ZNF431: variants seen among roughly 807,000 people sequenced by gnomAD.
The protein encoded by ZNF431 is zinc finger protein 431.
In ZNF431, 34 loss-of-function variants were observed where a neutral mutation model predicts 57.0. The observed-to-expected ratio is 0.60, with a 90% CI of 0.45 to 0.79. ZNF431 has a LOEUF of 0.79. Ranked by LOEUF, ZNF431 falls within the 30% of genes least tolerant of loss-of-function variation. The probability of loss-of-function intolerance (pLI) is 0.00; values close to 1 mark genes in which losing one functional copy is unlikely to be tolerated. For synonymous variants in ZNF431, 207 were observed against 220.3 expected (o/e 0.94, Z 0.54); for missense variants, 607 against 667.1 (o/e 0.91, Z 0.99).
rs1971457198 is a variant in ZNF431, at chr19:21,189,380, G to T, written c.*5346G>T. On this transcript the variant is annotated 3_prime_UTR_variant, in exon 5 of 5. Transcript: ENST00000311048. ...ATGCCTGTAATCCAGCTACCCTGGA[G>T]GCTAAGGCAGGAAAATGGCTCAAAT... is the stretch of plus-strand genomic sequence containing the variant. 1 of 152,158 alleles carries T rather than the reference G, an allele frequency of 6.6e-6. No individual in the cohort carries two copies. The highest frequency in any genetic ancestry group is 2.1e-4 in the South Asian group (1 of 4,836). The allele number at this position is 152,158 out of a possible 1,614,324, so 9.4% of individuals were successfully genotyped here.
chr19:21,178,546 A>G (rs147745508), intron 4 of ZNF431, among the ~76,000 whole-genome samples: 104 of 152,252 alleles, frequency 6.8e-4, no homozygotes, highest in Non-Finnish European at 9.3e-4. Flanking sequence ...CCTTTTCCGC[A>G]TTTTTGAGAT....
chr19:21,184,261 A>G lies in ZNF431; in HGVS notation c.*227A>G. 2 of 376,256 alleles carry G rather than the reference A, an allele frequency of 5.3e-6. No individual in the cohort carries two copies. The highest frequency in any genetic ancestry group is 9.1e-5 in the East Asian group (2 of 22,056). 23.3% of individuals were successfully genotyped at this position (376,256 alleles called of 1,614,324 possible). A position where few individuals can be genotyped will look rare whatever the true frequency, so the allele number is the denominator to read the frequency against. ...TCTACTCGGGAGGCTTAGGCAGGAT[A>G]ATCACTTGAACCTGGGAGGTGGAAG... On this transcript the variant is annotated 3_prime_UTR_variant, in exon 5 of 5. Transcript: ENST00000311048.
chr19:21,149,634 T>A (rs1261506437), intron 2 of ZNF431: 2 of 374,494 alleles, frequency 5.3e-6, no homozygotes, highest in Non-Finnish European at 1.0e-5. Flanking sequence ...TATAGAAAAC[T>A]CAACAGTGTA....
rs1241464714 is a variant in ZNF431, at chr19:21,192,815, C to T, written c.*8781C>T. Reference sequence around the variant, plus strand: ...ATCATAAGGGAATGTCAAATTCTGTCAAACTTCTATTGTGCATCCATTTTT... The same window carrying T: ...ATCATAAGGGAATGTCAAATTCTGTTAAACTTCTATTGTGCATCCATTTTT... On this transcript the variant is annotated 3_prime_UTR_variant, in exon 5 of 5. Transcript: ENST00000311048. 6.6e-6 allele frequency: 1 copy of T among 152,124 alleles called. No homozygotes were observed. Among genetic ancestry groups the T allele is most frequent in the Non-Finnish European group, 1.5e-5 (1 of 68,032 alleles). 9.4% of individuals were successfully genotyped at this position (152,124 alleles called of 1,614,324 possible).
intron 4 of ZNF431, among the ~76,000 whole-genome samples, chr19:21,171,566 CA>C (rs1281631578): frequency 1.3e-4 from 19 of 151,500 alleles, no homozygotes; most frequent in African/African-American, 4.1e-4. Context: ...AATATGACCC[CA>C]ATATTGGTTA....
chr19:21,159,413 G>T (rs1970511709), intron 2 of ZNF431, among the ~76,000 whole-genome samples: 1 of 151,902 alleles, frequency 6.6e-6, no homozygotes, highest in Admixed American at 6.6e-5. Context: ...TCACTCTGTT[G>T]CCAGGCTGGA....
At chr19:21,175,878 A>G (rs1050074685) in intron 4 of ZNF431, among the ~76,000 whole-genome samples, 3 of 152,230 alleles carry the variant, frequency 2.0e-5, no homozygotes, top group African/African-American at 4.8e-5. Context: ...TGTTGCTGCA[A>G]TGAAGATACA....
intron 4 of ZNF431, among the ~76,000 whole-genome samples, chr19:21,177,420 G>A (rs1387622085): frequency 1.3e-5 from 2 of 152,060 alleles, no homozygotes; most frequent in Non-Finnish European, 2.9e-5. Context: ...GGCAGCTTTG[G>A]TTACTACAGC....
rs535515130 is a variant in ZNF431, at chr19:21,182,757, G to T, written c.454G>T (p.Asp152Tyr). 4.3e-6 allele frequency: 7 copies of T among 1,613,966 alleles called. No homozygotes were observed. In the East Asian group the frequency reaches 1.6e-4, roughly 36 times the overall value. The change falls in exon 5 of 5, where the codon GAT (aspartate) becomes TAT (tyrosine). Residue 152 changes from aspartate (D) to tyrosine (Y), a missense_variant. Asp to Tyr is a radical substitution (Grantham distance 160). Coordinates refer to ENST00000311048, the MANE Select transcript of ZNF431 (RefSeq NM_133473.4). ...LQLRKGSASV[D>Y]EYKVHKEGYN... ...GTTAAGAAAAGGCTCCGCAAGTGTA[G>T]ATGAGTATAAGGTGCACAAAGAAGG...
intron 3 of ZNF431, among the ~76,000 whole-genome samples, chr19:21,167,298 T>C (rs1161616900): frequency 1.3e-5 from 2 of 151,892 alleles, no homozygotes; most frequent in African/African-American, 4.8e-5. Flanking sequence ...TTGCTGGGAC[T>C]ACAGGCACCT....
chr19:21,165,518 T>C (rs1002029869), intron 2 of ZNF431, among the ~76,000 whole-genome samples: 1 of 152,262 alleles, frequency 6.6e-6, no homozygotes, highest in African/African-American at 2.4e-5. Context: ...TGTGTTCTTC[T>C]GTGTGCATCA....
chr19:21,184,527 T>C lies in ZNF431; in HGVS notation c.*493T>C, dbSNP rs758473196. 8.4e-5 allele frequency: 13 copies of C among 154,114 alleles called. No homozygotes were observed. The highest frequency in any genetic ancestry group is 1.9e-4 in the Non-Finnish European group (13 of 68,720). 9.5% of individuals were successfully genotyped at this position (154,114 alleles called of 1,614,324 possible). ...ACTTTTCTAACCATAAAAGTAATTA[T>C]ACTGGTGAGAAATCCTAGAAATCTG... On this transcript the variant is annotated 3_prime_UTR_variant, in exon 5 of 5. Transcript: ENST00000311048.
At chr19:21,153,642 TA>T (rs775704272) in intron 2 of ZNF431, among the ~76,000 whole-genome samples, 233 of 152,360 alleles carry the variant, frequency 1.5e-3, no homozygotes, top group Non-Finnish European at 3.0e-3. Context: ...CTAGTAAACA[TA>T]ACTACAGTGT....
chr19:21,147,627 T>C (rs1240781979), intron 2 of ZNF431, among the ~76,000 whole-genome samples: 2 of 151,138 alleles, frequency 1.3e-5, no homozygotes, highest in African/African-American at 4.9e-5. Flanking sequence ...AAACCATGAT[T>C]GACAAGGAAA....
intron 4 of ZNF431, among the ~76,000 whole-genome samples, chr19:21,176,326 C>T (rs1295475469): frequency 2.0e-5 from 3 of 151,682 alleles, no homozygotes; most frequent in Non-Finnish European, 2.9e-5. Flanking sequence ...CTGCCACCTC[C>T]GCCTCCCAAG....
intron 2 of ZNF431, among the ~76,000 whole-genome samples, chr19:21,156,596 C>T (rs906991305): frequency 6.6e-6 from 1 of 151,952 alleles, no homozygotes; most frequent in African/African-American, 2.4e-5. Context: ...TATTATTTAG[C>T]TCTTATAAAT....
Position 21,179,845 on chromosome 19 carries a change from C to T in ZNF431, c.320-2778C>T, listed in dbSNP as rs367782819. On this transcript the variant is annotated intron_variant, in intron 4 of 4. Coordinates refer to ENST00000311048, the MANE Select transcript of ZNF431 (RefSeq NM_133473.4). ...AAAGTGCTGGGATTACATGTGTGAG[C>T]CACCACGCCCGGCTACATTGTCTCT... Among the ~76,000 whole-genome samples the T allele has an allele frequency of 5.9e-5, 9 of 152,198 alleles. No homozygotes were observed. In the East Asian group the frequency reaches 1.5e-3, roughly 26 times the overall value.
chr19:21,173,548 C>G (rs1452132259), intron 4 of ZNF431, among the ~76,000 whole-genome samples: 1 of 151,986 alleles, frequency 6.6e-6, no homozygotes, highest in East Asian at 1.9e-4. Flanking sequence ...TGGAGTCTTG[C>G]TGTTGTCATC....
At chr19:21,142,230 G>A (rs1969959648) in intron 1 of ZNF431, 44 bp downstream of exon 1, 1 of 1,612,552 alleles carries the variant, frequency 6.2e-7, no homozygotes, top group South Asian at 1.1e-5. Context: ...GGAAGGGCTG[G>A]TTGTAACCGG....
Sources: gnomAD v4.1 joint callset for allele counts (sites outside exome capture counted in the v4.1 genomes callset) on GRCh38, gnomAD v4.1.1 for gene constraint, MANE v1.5 for transcripts, NCBI Gene and HGNC (gene_info 2026-07-23, HGNC 2026-07-21) for gene names.